Variants in MAN2C1 observed in about 807,000 individuals in gnomAD.
MAN2C1 encodes the protein alpha-mannosidase 2C1.
In MAN2C1, 111 loss-of-function variants were observed where a neutral mutation model predicts 126.9. That is an observed-to-expected ratio of 0.87 (90% CI 0.75 to 1.02). The LOEUF (loss-of-function observed/expected upper bound fraction) is 1.02. MAN2C1 is among the 50% of genes least tolerant of loss of function. The pLI, the probability that MAN2C1 is intolerant of heterozygous loss-of-function variation, is 0.00. For missense variants in MAN2C1, 1,363 were observed against 1,364.4 expected (o/e 1.00, Z 0.02); for synonymous variants, 567 against 561.5 (o/e 1.01, Z -0.14).
intron 4 of MAN2C1, among the ~76,000 whole-genome samples, chr15:75,365,130 T>C (rs919995166): frequency 6.6e-5 from 10 of 152,152 alleles, no homozygotes; most frequent in African/African-American, 2.4e-4. Context: ...ACGACTTCCT[T>C]AGGGAGGCCT....
In MAN2C1 at chr15:75,363,023, C is replaced by T. The variant is rs1049276378; in HGVS notation, c.791-275G>A. On this transcript the variant is annotated intron_variant, in intron 6 of 25. Coordinates refer to ENST00000267978, the MANE Select transcript of MAN2C1 (RefSeq NM_006715.4). The stretch of plus-strand genomic sequence containing the variant: ...GCCTCAGTCCTCTTGGGGAATTAGA[C>T]ATCCCCTAGAGGATCCTACGAGAAG... 2.0e-5 allele frequency: 9 copies of T among 455,148 alleles called. 1 individual carries two copies. The highest frequency in any genetic ancestry group is 1.8e-4 in the South Asian group (9 of 49,562). 28.2% of individuals were successfully genotyped at this position (455,148 alleles called of 1,614,324 possible). A position where few individuals can be genotyped will look rare whatever the true frequency, so the allele number is the denominator to read the frequency against.
At chr15:75,360,446 T>C in intron 13 of MAN2C1, 119 bp downstream of exon 13, 1 of 1,448,734 alleles carries the variant, frequency 6.9e-7, no homozygotes, top group South Asian at 1.4e-5. Context: ...CTTGAACTTC[T>C]CTCCTCCAAA....
rs768672834 is a variant in MAN2C1, at chr15:75,359,665, TC to T, written c.1902del (p.Ile635SerfsTer3). 1 of 1,614,106 alleles carries T rather than the reference TC, an allele frequency of 6.2e-7. No homozygotes were observed. The highest frequency in any genetic ancestry group is 8.5e-7 in the Non-Finnish European group (1 of 1,180,036). ...GGTTTGGGCAGGGCCATCACTTCGA[TC>T]CGCTTCCAGGGCAGTGTGTTGACGA... is the stretch of plus-strand genomic sequence containing the variant. Reference protein sequence around the residue: ...LLIVNTLPWKRIEVMALPKPG... With the variant: ...LLIVNTLPWKXIEVMALPKPG... On this transcript the variant is annotated frameshift_variant, in exon 16 of 26. Transcript: ENST00000267978. LOFTEE classifies it high-confidence loss of function.
intron 3 of MAN2C1, 92 bp downstream of exon 3, chr15:75,367,419 G>A: frequency 6.7e-7 from 1 of 1,502,102 alleles, no homozygotes. Context: ...GAGCAACTCA[G>A]CTGTGGCTTC....
intron 21 of MAN2C1, chr15:75,357,142 A>C (rs1468414794): frequency 1.9e-6 from 1 of 524,160 alleles, no homozygotes; most frequent in Non-Finnish European, 3.4e-6. Flanking sequence ...ATCAAATTAA[A>C]TGTAAAACTT....
chr15:75,362,213 G>A lies in MAN2C1; in HGVS notation c.1008+130C>T. The stretch of plus-strand genomic sequence containing the variant: ...AGGCCTTGAGATCCCAGGGACTAAT[G>A]AGCCAGCCCTGCCACACAGCGGGGA... On this transcript the variant is annotated intron_variant, in intron 8 of 25. Coordinates refer to ENST00000267978, the MANE Select transcript of MAN2C1 (RefSeq NM_006715.4). The surrounding 1 kb of genome is among the most constrained non-coding windows in gnomAD (Gnocchi z 4.5). 2.5e-6 allele frequency: 2 copies of A among 806,290 alleles called. No homozygotes were observed. Among genetic ancestry groups the A allele is most frequent in the Middle Eastern group, 3.0e-4 (1 of 3,280 alleles). 49.9% of individuals were successfully genotyped at this position (806,290 alleles called of 1,614,324 possible).
chr15:75,356,662 T>C lies in MAN2C1; in HGVS notation c.2681A>G (p.Asp894Gly). 1 of 1,584,196 alleles carries C rather than the reference T, an allele frequency of 6.3e-7. No homozygotes were observed. The highest frequency in any genetic ancestry group is 8.6e-7 in the Non-Finnish European group (1 of 1,165,630). Residue 894 changes from aspartate (D) to glycine (G), a missense_variant, in exon 23 of 26, where the codon GAC (aspartate) becomes GGC (glycine). Physicochemically the swap from Asp to Gly is moderately conservative, Grantham distance 94 (BLOSUM62 -1). Around this residue, in one of 3 missense-constraint regions of MAN2C1, gnomAD observed 668 missense variants for 650.1 expected, o/e 1.03. Transcript: ENST00000267978. The surrounding 1 kb of genome is among the most constrained non-coding windows in gnomAD (Gnocchi z 5.8). The stretch of plus-strand genomic sequence containing the variant: ...GTGGCGCCCCGTGTCAGCAGTAGCG[T>C]CCGGGGCTTTAGGCGCCCGCAAGCT... Reference protein sequence around the residue: ...LSLLRAPKAPDATADTGRHEF... With the variant: ...LSLLRAPKAPGATADTGRHEF...
At chr15:75,365,692 C>G (rs1457457662) in intron 4 of MAN2C1, 1 of 218,484 alleles carries the variant, frequency 4.6e-6, no homozygotes, top group Non-Finnish European at 9.5e-6. Flanking sequence ...TGCCATTGCA[C>G]TCCAGCCTGG....
At position 75,362,372 on chromosome 15, in the gene MAN2C1, C is replaced by T; in HGVS notation, c.979G>A (p.Val327Met). The T allele has an allele frequency of 6.2e-7, 1 of 1,613,998 alleles. No individual in the cohort carries two copies. The highest frequency in any genetic ancestry group is 8.5e-7 in the Non-Finnish European group (1 of 1,180,028). Residue 327 changes from valine to methionine, a missense_variant, in exon 8 of 26, where the codon GTG becomes ATG. Val to Met is a conservative substitution (Grantham distance 21, BLOSUM62 1). Around this residue, in one of 3 missense-constraint regions of MAN2C1, gnomAD observed 628 missense variants for 609.8 expected, o/e 1.03. Transcript: ENST00000267978. The surrounding 1 kb of genome is among the most constrained non-coding windows in gnomAD (Gnocchi z 4.5). Reference sequence around the variant, plus strand: ...TCCACCCAGGTGCCCCCCACAGGCACAAACTGCCCACGGCACGCAAACTCC... The same window carrying T: ...TCCACCCAGGTGCCCCCCACAGGCATAAACTGCCCACGGCACGCAAACTCC... The part of the protein sequence containing the change: ...IQEFACRGQF[V>M]PVGGTWVEMD...
Position 75,359,334 on chromosome 15 carries a change from C to T in MAN2C1, c.2040G>A (p.Val680=). Residue 680 remains valine, a synonymous_variant, in exon 17 of 26, where the codon GTG becomes GTA. Transcript: ENST00000267978. The part of the protein sequence containing the change: ...PLLPQQPVFV[V]QETDGSVTLD... ...CAGGGCATGCAGGACTCACCTCTTG[C>T]ACTACGAACACAGGCTGCTGGGGCA... is the stretch of plus-strand genomic sequence containing the variant. 1.9e-6 allele frequency: 3 copies of T among 1,591,466 alleles called. No homozygotes were observed. The highest frequency in any genetic ancestry group is 2.6e-6 in the Non-Finnish European group (3 of 1,168,486).
At chr15:75,365,625 C>T in intron 4 of MAN2C1, 1 of 200,714 alleles carries the variant, frequency 5.0e-6, no homozygotes, top group Non-Finnish European at 1.1e-5. Flanking sequence ...AGTAGGGAGG[C>T]TGAGGCAGGA....
At chr15:75,364,803 T>C in intron 4 of MAN2C1, 138 bp from the exon 5 acceptor site, 1 of 676,766 alleles carries the variant, frequency 1.5e-6, no homozygotes, top group East Asian at 3.0e-5. Flanking sequence ...GATCCCACAG[T>C]GTGACAAGAG....
At position 75,358,324 on chromosome 15, in the gene MAN2C1, G is replaced by A. The variant is rs1317275314; in HGVS notation, c.2424C>T (p.His808=). 3 of 1,614,074 alleles carry A rather than the reference G, an allele frequency of 1.9e-6. No homozygotes were observed. Among genetic ancestry groups the A allele is most frequent in the Non-Finnish European group, 2.5e-6 (3 of 1,180,060 alleles). ...CAGGGAACTCCACCTTCAGGAACTT[G>A]TGGGCCTCATGCCAGTGTACCTGGG... is the stretch of plus-strand genomic sequence containing the variant. ...FHTEVHWHEA[H]KFLKVEFPAR... The change falls in exon 21 of 26, where the codon CAC becomes CAT. Residue 808 remains histidine, a synonymous_variant. Coordinates refer to ENST00000267978, the MANE Select transcript of MAN2C1 (RefSeq NM_006715.4).
Position 75,355,960 on chromosome 15 carries a change from A to G in MAN2C1, c.3069T>C (p.Phe1023=). The change falls in exon 26 of 26, where the codon TTT becomes TTC. Residue 1023 remains phenylalanine, a synonymous_variant. Transcript: ENST00000267978. ...TLRDNRLKLT[F]SPFQVLSLLL... ...ACAGGGACAGCACTTGGAAGGGAGA[A>G]AAGGTGAGCTTCAGGCGGTTGTCCC... The G allele has an allele frequency of 6.2e-7, 1 of 1,614,222 alleles. No homozygotes were observed. Among genetic ancestry groups the G allele is most frequent in the Non-Finnish European group, 8.5e-7 (1 of 1,180,034 alleles).
chr15:75,361,227 T>A lies in MAN2C1; in HGVS notation c.1315-36A>T, dbSNP rs1202172326. On this transcript the variant is annotated intron_variant, in intron 11 of 25. Transcript: ENST00000267978. The surrounding 1 kb of genome is among the most constrained non-coding windows in gnomAD (Gnocchi z 5.0). ...GAGGGCAGGCCAGCATGGATCAGCCTGGAACAAGCCAGCCCTCTCCAGCCT... is the reference window on the plus strand; with the variant it reads ...GAGGGCAGGCCAGCATGGATCAGCCAGGAACAAGCCAGCCCTCTCCAGCCT... The A allele has an allele frequency of 6.2e-7, 1 of 1,603,216 alleles. No individual in the cohort carries two copies. Among genetic ancestry groups the A allele is most frequent in the East Asian group, 2.2e-5 (1 of 44,500 alleles).
At chr15:75,360,366 T>A in intron 13 of MAN2C1, 155 bp from the exon 14 acceptor site, 1 of 1,306,970 alleles carries the variant, frequency 7.7e-7, no homozygotes, top group African/African-American at 1.5e-5. Context: ...TTCCCTCTTC[T>A]CCCCGCAGCC....
chr15:75,358,084 A>G, intron 21 of MAN2C1, 117 bp downstream of exon 21: 2 of 1,276,034 alleles, frequency 1.6e-6, no homozygotes, highest in South Asian at 2.6e-5. Context: ...AATGCCTGGC[A>G]CACACGTTAG....
Position 75,366,554 on chromosome 15 carries a change from C to T in MAN2C1, c.390G>A (p.Leu130=), listed in dbSNP as rs558386753. ...TKEGEKTSYV[L]TDRLGERDPR... is the part of the protein sequence containing the mutation. ...GGTCTCTTTCCCCCAGCCTGTCAGT[C>T]AGGACATAGCTGGTCTTCTCACCCT... The change falls in exon 4 of 26, where the codon CTG becomes CTA. Residue 130 remains leucine, a synonymous_variant. Transcript: ENST00000267978. 32 of 1,613,666 alleles carry T rather than the reference C, an allele frequency of 2.0e-5. 1 individual carries two copies. In the South Asian group the frequency reaches 3.0e-4, roughly 15 times the overall value.
rs753704339 is a variant in MAN2C1 at position 75,361,077 on chromosome 15, TCAGGCGGTC to T, written c.1420_1428del (p.Asp474_Leu476del). 17 of 1,612,000 alleles carry T rather than the reference TCAGGCGGTC, an allele frequency of 1.1e-5. No homozygotes were observed. The highest frequency in any genetic ancestry group is 1.7e-5 in the Admixed American group (1 of 59,716). Reference sequence around the variant, plus strand: ...AGCCCATCCGTATTGCTCAGGCGCTTCAGGCGGTCCAGCATGGTCTGGGTGGGGCCACCA... The same window carrying T: ...AGCCCATCCGTATTGCTCAGGCGCTTCAGCATGGTCTGGGTGGGGCCACCA... On this transcript the variant is annotated inframe_deletion, in exon 12 of 26. Transcript: ENST00000267978. This position sits in a 1 kb window ranked among gnomAD's most constrained non-coding sequence, Gnocchi z 5.0.
Sources: allele counts gnomAD v4.1 joint callset (sites outside exome capture counted in the v4.1 genomes callset), GRCh38; gene constraint gnomAD v4.1.1; regional missense constraint gnomAD v4.1.1; non-coding constraint Gnocchi (gnomAD v3.1); transcripts MANE v1.5; gene names NCBI Gene and HGNC (gene_info 2026-07-23, HGNC 2026-07-21).